Variants in RASGRF1 observed in about 807,000 individuals in gnomAD.
The protein encoded by RASGRF1 is ras-specific guanine nucleotide-releasing factor 1.
A neutral mutation model predicts 138.7 loss-of-function variants in RASGRF1; 40 were observed. The ratio of observed to expected loss-of-function variants is 0.29; its 90% CI spans 0.22 to 0.38. The LOEUF (loss-of-function observed/expected upper bound fraction) is 0.38. Among genes scored for constraint, RASGRF1 ranks in the 10% least tolerant of loss-of-function variants. The probability of loss-of-function intolerance (pLI) is 1.00; values close to 1 mark genes in which losing one functional copy is unlikely to be tolerated. For synonymous variants in RASGRF1, 614 were observed against 663.2 expected, an observed-to-expected ratio of 0.93 and a Z score of 1.14; for missense variants, 1,108 against 1,650.4, an observed-to-expected ratio of 0.67 and a Z score of 5.69.
intron 26 of RASGRF1, among the ~76,000 whole-genome samples, chr15:78,966,694 T>C (rs79231687): frequency 0.062 from 9,465 of 152,176 alleles, 995 homozygotes; most frequent in African/African-American, 0.22. Context: ...CAGCAATCCT[T>C]TGTTGCCCCT....
At chr15:79,003,347 G>C (rs1263694581) in intron 15 of RASGRF1, among the ~76,000 whole-genome samples, 4 of 152,234 alleles carry the variant, frequency 2.6e-5, no homozygotes, top group Non-Finnish European at 4.4e-5. Flanking sequence ...TTCGTATCAG[G>C]TGTCCACATT....
At chr15:78,971,843 G>GCTTC (rs2141598151) in intron 26 of RASGRF1, 23 bp downstream of exon 26, 2 of 1,547,170 alleles carry the variant, frequency 1.3e-6, no homozygotes, top group East Asian at 2.2e-5. Flanking sequence ...GCATGCAAGT[G>GCTTC]ACCAGGAAAA....
In RASGRF1 at chr15:78,990,384, G is replaced by A. The variant is rs111545828; in HGVS notation, c.3132-111C>T. The stretch of plus-strand genomic sequence containing the variant: ...TGGCTTTTTGAGGCTGTCATTTCTG[G>A]GGGAACAACCTTCTGCAGAGCCCTG... On this transcript the variant is annotated intron_variant, in intron 21 of 26. Coordinates refer to ENST00000558480, the MANE Select transcript of RASGRF1 (RefSeq NM_001145648.3). The A allele has an allele frequency of 1.2e-4, 89 of 727,188 alleles. No homozygotes were observed. The African/African-American group carries it at 1.5e-3, about 12-fold the overall frequency. The allele number at this position is 727,188 out of a possible 1,614,324, so 45.0% of individuals were successfully genotyped here.
intron 1 of RASGRF1, among the ~76,000 whole-genome samples, chr15:79,074,330 C>G (rs2057803459): frequency 6.6e-6 from 1 of 152,228 alleles, no homozygotes; most frequent in African/African-American, 2.4e-5. Context: ...TGAGGCTCTT[C>G]CCTGAACTGG....
rs146264269 is a variant in RASGRF1 at position 79,017,839 on chromosome 15, C to T, written c.1674G>A (p.Pro558=). 49 of 1,613,276 alleles carry T rather than the reference C, an allele frequency of 3.0e-5. No individual in the cohort carries two copies. In the African/African-American group the frequency reaches 3.5e-4, roughly 11 times the overall value. ...AGGCCACTAGGATGACTGTAAAGGG[C>T]GGGGAATCCTTTGGCTCCACCCCGA... The part of the protein sequence containing the change: ...FKIGVEPKDS[P]PFTVILVASS... The change falls in exon 12 of 27, where the codon CCG becomes CCA. Residue 558 remains proline, a synonymous_variant. Coordinates refer to ENST00000558480, the MANE Select transcript of RASGRF1 (RefSeq NM_001145648.3).
chr15:79,048,214 G>T (rs1233310699), intron 4 of RASGRF1, among the ~76,000 whole-genome samples: 1 of 152,208 alleles, frequency 6.6e-6, no homozygotes. Context: ...AAGTCCCAAT[G>T]CCTGTGGGGC....
chr15:78,982,145 A>G (rs1280248438), intron 23 of RASGRF1, among the ~76,000 whole-genome samples: 1 of 152,192 alleles, frequency 6.6e-6, no homozygotes, highest in African/African-American at 2.4e-5. Flanking sequence ...ATGGGAGGGT[A>G]AGTCCAGGTG....
chr15:79,026,388 TG>T lies in RASGRF1; in HGVS notation c.1382-915del, dbSNP rs562131437. 2.8e-4 allele frequency among the ~76,000 whole-genome samples: 42 copies of T among 152,356 alleles called. No homozygotes were observed. In the South Asian group the frequency reaches 8.7e-3, roughly 32 times the overall value. On this transcript the variant is annotated intron_variant, in intron 9 of 26. Coordinates refer to ENST00000558480, the MANE Select transcript of RASGRF1 (RefSeq NM_001145648.3). The stretch of plus-strand genomic sequence containing the variant: ...CTTGGGAAAGCCCTCGTGACTCTCT[TG>T]GTCCTGCTCCAGGCCACCACTCTGC...
chr15:79,002,679 A>G (rs1269344475), intron 15 of RASGRF1, among the ~76,000 whole-genome samples: 1 of 152,234 alleles, frequency 6.6e-6, no homozygotes, highest in African/African-American at 2.4e-5. Context: ...AGAATGTGAA[A>G]TTATGAAATT....
At chr15:79,017,986 G>T in intron 11 of RASGRF1, 80 bp from the exon 12 acceptor site, 1 of 1,545,442 alleles carries the variant, frequency 6.5e-7, no homozygotes, top group Non-Finnish European at 8.8e-7. Context: ...GGTCCCTGTC[G>T]TACGTACCAG....
intron 5 of RASGRF1, among the ~76,000 whole-genome samples, chr15:79,042,553 G>T (rs528224225): frequency 6.6e-6 from 1 of 152,230 alleles, no homozygotes; most frequent in Non-Finnish European, 1.5e-5. Context: ...CATTAGCAGT[G>T]GGGGCAAGGA....
At chr15:79,058,562 G>T in intron 2 of RASGRF1, 81 bp from the exon 3 acceptor site, 3 of 1,545,520 alleles carry the variant, frequency 1.9e-6, no homozygotes, top group Admixed American at 1.7e-5. Context: ...CCGGGAGAGG[G>T]GCTCACCCAC....
chr15:79,049,488 G>T lies in RASGRF1; in HGVS notation c.624+8C>A. ...CCAAAGAAGGCCACCCAGAGGGATAGCACTGACCTTCTTAATTTTCTTGAT... is the reference window on the plus strand; with the variant it reads ...CCAAAGAAGGCCACCCAGAGGGATATCACTGACCTTCTTAATTTTCTTGAT... On this transcript the variant is annotated splice_region_variant and intron_variant, in intron 4 of 26. Coordinates refer to ENST00000558480, the MANE Select transcript of RASGRF1 (RefSeq NM_001145648.3). 2 of 1,613,292 alleles carry T rather than the reference G, an allele frequency of 1.2e-6. No individual in the cohort carries two copies. The highest frequency in any genetic ancestry group is 1.7e-6 in the Non-Finnish European group (2 of 1,179,454).
At chr15:78,984,864 G>C in intron 23 of RASGRF1, 143 bp downstream of exon 23, 1 of 855,848 alleles carries the variant, frequency 1.2e-6, no homozygotes, top group South Asian at 1.5e-5. Flanking sequence ...TATAGGGGAA[G>C]CTATTCTGTT....
At chr15:79,070,366 A>T (rs1472600022) in intron 1 of RASGRF1, among the ~76,000 whole-genome samples, 1 of 152,246 alleles carries the variant, frequency 6.6e-6, no homozygotes, top group African/African-American at 2.4e-5. Flanking sequence ...CAGATGCTTC[A>T]GTTCAGCCTT....
At chr15:79,086,403 G>C (rs989863482) in intron 1 of RASGRF1, among the ~76,000 whole-genome samples, 2 of 152,190 alleles carry the variant, frequency 1.3e-5, no homozygotes. Context: ...GGCAGCCACA[G>C]ATGAAATTGT....
chr15:79,088,730 C>T (rs1044515240), intron 1 of RASGRF1, among the ~76,000 whole-genome samples: 1 of 152,182 alleles, frequency 6.6e-6, no homozygotes, highest in Non-Finnish European at 1.5e-5. Context: ...TGGAGAGGGG[C>T]AAGTTCTGAA....
intron 1 of RASGRF1, among the ~76,000 whole-genome samples, chr15:79,069,704 T>C (rs1440698049): frequency 6.6e-6 from 1 of 152,120 alleles, no homozygotes; most frequent in African/African-American, 2.4e-5. Flanking sequence ...AGTCAAAGAT[T>C]TGGGGGAAAC....
At chr15:79,068,123 G>A (rs554381475) in intron 1 of RASGRF1, among the ~76,000 whole-genome samples, 97 of 152,278 alleles carry the variant, frequency 6.4e-4, no homozygotes, top group African/African-American at 2.0e-3. Context: ...GCCCAGCCAC[G>A]GTGGAGGTAG....
Sources: allele counts gnomAD v4.1 joint callset (sites outside exome capture counted in the v4.1 genomes callset), GRCh38; gene constraint gnomAD v4.1.1; transcripts MANE v1.5; gene names NCBI Gene and HGNC (gene_info 2026-07-23, HGNC 2026-07-21).